TBCD: variants seen among roughly 807,000 people sequenced by gnomAD.
TBCD encodes tubulin folding cofactor D, also known as tubulin-specific chaperone D.
In TBCD, 105 loss-of-function variants were observed where a neutral mutation model predicts 169.3. The ratio of observed to expected loss-of-function variants is 0.62; its 90% CI spans 0.53 to 0.73. TBCD has a LOEUF of 0.73. Ranked by LOEUF, TBCD falls within the 30% of genes least tolerant of loss-of-function variation. The pLI, the probability that TBCD is intolerant of heterozygous loss-of-function variation, is 0.00. For missense variants in TBCD, 1,444 were observed against 1,600.1 expected, an observed-to-expected ratio of 0.90 and a Z score of 1.66; for synonymous variants, 700 against 643.9, an observed-to-expected ratio of 1.09 and a Z score of -1.32.
chr17:82,755,082 C>T (rs552336348), intron 1 of TBCD, among the ~76,000 whole-genome samples: 1 of 152,286 alleles, frequency 6.6e-6, no homozygotes, highest in East Asian at 1.9e-4. Context: ...ACATTGGTCT[C>T]GTCAGGGAAG....
intron 13 of TBCD, among the ~76,000 whole-genome samples, chr17:82,817,626 T>A (rs940021361): frequency 6.6e-6 from 1 of 152,104 alleles, no homozygotes; most frequent in African/African-American, 2.4e-5. Context: ...AAAAGTTTTT[T>A]GTAGAGATGG....
intron 8 of TBCD, among the ~76,000 whole-genome samples, chr17:82,798,586 C>T (rs2050276659): frequency 6.6e-6 from 1 of 151,718 alleles, no homozygotes; most frequent in Non-Finnish European, 1.5e-5. Context: ...TTGTCACTTT[C>T]CTAGTCCTTT....
rs2053681810 is a variant in TBCD, at chr17:82,833,345, T to C, written c.1318+18411T>C. On this transcript the variant is annotated intron_variant, in intron 13 of 38. Coordinates refer to ENST00000355528, the MANE Select transcript of TBCD (RefSeq NM_005993.5). The surrounding 1 kb of genome is among the most constrained non-coding windows in gnomAD (Gnocchi z 4.7). ...GCCGATCCCTAAGCACTCGTGGCAG[T>C]TTCTGCCCACTTTAGCCACGTCGTT... 6.6e-6 allele frequency among the ~76,000 whole-genome samples: 1 copy of C among 152,142 alleles called. No individual in the cohort carries two copies. The highest frequency in any genetic ancestry group is 2.4e-5 in the African/African-American group (1 of 41,432).
rs1185866893 is a variant in TBCD, at chr17:82,884,462, G to A, written c.1533+260G>A. ...CTGGGGGTTGATGGGTGATGGAGGC[G>A]AGTGGGAGGTGCCCGATGACAGGTC... On this transcript the variant is annotated intron_variant, in intron 15 of 38. Coordinates refer to ENST00000355528, the MANE Select transcript of TBCD (RefSeq NM_005993.5). The surrounding 1 kb of genome is among the most constrained non-coding windows in gnomAD (Gnocchi z 4.2). 2.6e-5 allele frequency among the ~76,000 whole-genome samples: 4 copies of A among 152,238 alleles called. No homozygotes were observed. The highest frequency in any genetic ancestry group is 9.6e-5 in the African/African-American group (4 of 41,460).
At chr17:82,856,963 G>A (rs1474961250) in intron 13 of TBCD, among the ~76,000 whole-genome samples, 1 of 146,102 alleles carries the variant, frequency 6.8e-6, no homozygotes, top group African/African-American at 2.6e-5. Flanking sequence ...ACCGCGTGCG[G>A]ACCCTCGGTG....
intron 1 of TBCD, among the ~76,000 whole-genome samples, chr17:82,752,600 G>T (rs1439311830): frequency 2.0e-5 from 3 of 152,240 alleles, no homozygotes; most frequent in East Asian, 1.9e-4. Flanking sequence ...CTCCCTTGGG[G>T]GGACCGTGGC....
intron 24 of TBCD, chr17:82,921,195 G>A: frequency 2.2e-6 from 1 of 458,910 alleles, no homozygotes; most frequent in Non-Finnish European, 3.9e-6. Context: ...GGAGCCGGGG[G>A]AGACCGTTTG....
chr17:82,832,572 C>T lies in TBCD; in HGVS notation c.1318+17638C>T, dbSNP rs747111580. On this transcript the variant is annotated intron_variant, in intron 13 of 38. Coordinates refer to ENST00000355528, the MANE Select transcript of TBCD (RefSeq NM_005993.5). The surrounding 1 kb of genome is among the most constrained non-coding windows in gnomAD (Gnocchi z 4.9). ...GCTTTGCTTTCTTTCCCGATCACTTCTATCAGAAGCCAGCTCTGCGTGCTG... is the reference window on the plus strand; with the variant it reads ...GCTTTGCTTTCTTTCCCGATCACTTTTATCAGAAGCCAGCTCTGCGTGCTG... The T allele has an allele frequency of 3.4e-6, 3 of 871,574 alleles. No homozygotes were observed. Among genetic ancestry groups the T allele is most frequent in the Non-Finnish European group, 5.6e-6 (3 of 539,098 alleles). 54.0% of individuals were successfully genotyped at this position (871,574 alleles called of 1,614,324 possible). A position where few individuals can be genotyped will look rare whatever the true frequency, so the allele number is the denominator to read the frequency against.
At chr17:82,811,191 A>T (rs1391753280) in intron 12 of TBCD, among the ~76,000 whole-genome samples, 1 of 152,048 alleles carries the variant, frequency 6.6e-6, no homozygotes, top group Non-Finnish European at 1.5e-5. Context: ...GCCTGGTGCC[A>T]CCTGCGGCCT....
intron 34 of TBCD, among the ~76,000 whole-genome samples, chr17:82,935,046 A>ACAGC (rs992597558): frequency 4.6e-5 from 7 of 151,462 alleles, no homozygotes; most frequent in African/African-American, 1.7e-4. Flanking sequence ...CCTGGGCAAC[A>ACAGC]CAGCCAGACT....
rs1449387690 is a variant in TBCD, at chr17:82,772,479, C to T, written c.610C>T (p.Arg204Ter). The change falls in exon 6 of 39, where the codon CGA (arginine) becomes TGA (stop). Residue 204 changes from arginine (R) to a stop codon, truncating the protein, a stop_gained. Transcript: ENST00000355528. LOFTEE classifies it high-confidence loss of function. ...CTACTTGATTGTCAGTGACAAGGCC[C>T]GAGATGCAGCTGCTGTCCTTGTGTC... is the stretch of plus-strand genomic sequence containing the variant. Reference protein sequence around the residue: ...ESYLIVSDKARDAAAVLVSRF... With the variant: ...ESYLIVSDKA 2.5e-6 allele frequency: 4 copies of T among 1,613,868 alleles called. No homozygotes were observed. Among genetic ancestry groups the T allele is most frequent in the Non-Finnish European group, 3.4e-6 (4 of 1,179,870 alleles).
At chr17:82,784,781 G>A (rs969900840) in intron 7 of TBCD, among the ~76,000 whole-genome samples, 1 of 152,252 alleles carries the variant, frequency 6.6e-6, no homozygotes, top group South Asian at 2.1e-4. Flanking sequence ...AGAATGGGCC[G>A]CTACTGCCAA....
intron 9 of TBCD, among the ~76,000 whole-genome samples, chr17:82,804,576 G>T (rs1043212086): frequency 6.6e-6 from 1 of 152,244 alleles, no homozygotes; most frequent in African/African-American, 2.4e-5. Context: ...ATGGGTTGCT[G>T]TCGGGACCCG....
chr17:82,899,685 C>T (rs887880071), intron 17 of TBCD, among the ~76,000 whole-genome samples: 1 of 152,220 alleles, frequency 6.6e-6, no homozygotes, highest in African/African-American at 2.4e-5. Context: ...ATATATTTAA[C>T]TTTATGAGAA....
At chr17:82,814,473 C>A (rs538053229) in intron 12 of TBCD, among the ~76,000 whole-genome samples, 1 of 152,198 alleles carries the variant, frequency 6.6e-6, no homozygotes, top group Non-Finnish European at 1.5e-5. Flanking sequence ...CGGCTGTTGT[C>A]TTCATACTCA....
intron 12 of TBCD, among the ~76,000 whole-genome samples, chr17:82,811,106 C>T (rs770792813): frequency 2.0e-5 from 3 of 152,160 alleles, no homozygotes; most frequent in Non-Finnish European, 4.4e-5. Flanking sequence ...TCTCTGTAGG[C>T]GACCTCCAGC....
intron 13 of TBCD, among the ~76,000 whole-genome samples, chr17:82,865,334 T>C (rs1298959728): frequency 6.6e-6 from 1 of 152,208 alleles, no homozygotes; most frequent in African/African-American, 2.4e-5. Flanking sequence ...AGCCGTTTCC[T>C]GCGCTCGGGC....
intron 7 of TBCD, among the ~76,000 whole-genome samples, chr17:82,788,107 G>A (rs1003245776): frequency 3.3e-5 from 5 of 152,112 alleles, no homozygotes; most frequent in African/African-American, 7.2e-5. Flanking sequence ...GCATGGTGGT[G>A]CGCGCCTGTA....
intron 8 of TBCD, among the ~76,000 whole-genome samples, chr17:82,800,008 C>T (rs994939186): frequency 1.3e-5 from 2 of 152,176 alleles, no homozygotes; most frequent in African/African-American, 4.8e-5. Context: ...GGCACTGCAG[C>T]TCCAGCCCCC....
Sources: allele counts gnomAD v4.1 joint callset (sites outside exome capture counted in the v4.1 genomes callset), GRCh38; gene constraint gnomAD v4.1.1; non-coding constraint Gnocchi (gnomAD v3.1); transcripts MANE v1.5; gene names NCBI Gene and HGNC (gene_info 2026-07-23, HGNC 2026-07-21).